Variants in ATRX observed in about 807,000 individuals in gnomAD.
ATRX encodes ATRX chromatin remodeler.
A neutral mutation model predicts 172.6 loss-of-function variants in ATRX; 12 were observed. That is an observed-to-expected ratio of 0.07 (90% CI 0.04 to 0.11). The LOEUF (loss-of-function observed/expected upper bound fraction) is 0.11, where lower values mean the gene tolerates loss of function less well. ATRX is among the 10% of genes least tolerant of loss of function. The probability of loss-of-function intolerance (pLI) is 1.00; values close to 1 mark genes in which losing one functional copy is unlikely to be tolerated. For synonymous variants in ATRX, 674 were observed against 594.7 expected, an observed-to-expected ratio of 1.13 and a Z score of -1.94; for missense variants, 1,368 against 1,767.4, an observed-to-expected ratio of 0.77 and a Z score of 4.05.
At chrX:77,737,752 T>A (rs2074667537) in intron 1 of ATRX, among the ~76,000 whole-genome samples, 1 of 110,759 alleles carries the variant, frequency 9.0e-6, no homozygotes, top group Non-Finnish European at 1.9e-5. Flanking sequence ...CACAATTTTA[T>A]TTTTTGTTTA....
chrX:77,625,910 G>A (rs1003483865), intron 19 of ATRX, among the ~76,000 whole-genome samples: 5 of 106,645 alleles, frequency 4.7e-5, no homozygotes, highest in African/African-American at 1.7e-4. Context: ...AGGAAAAGAA[G>A]TCATTATTCA....
In ATRX at chrX:77,508,025, TA is replaced by T. The variant is rs2062746479; in HGVS notation, c.*325del. On this transcript the variant is annotated 3_prime_UTR_variant, in exon 35 of 35. Coordinates refer to ENST00000373344, the MANE Select transcript of ATRX (RefSeq NM_000489.6). ...AAATTTATTAATTTTATGACAATTTTATGGTTGCTAAAAGCAGGCATAAAAA... is the reference window on the plus strand; with the variant it reads ...AAATTTATTAATTTTATGACAATTTTTGGTTGCTAAAAGCAGGCATAAAAA... 1 of 212,874 alleles carries T rather than the reference TA, an allele frequency of 4.7e-6. No individual in the cohort carries two copies. Among genetic ancestry groups the T allele is most frequent in the Non-Finnish European group, 8.5e-6 (1 of 117,327 alleles). 17.5% of individuals were successfully genotyped at this position (212,874 alleles called of 1,213,427 possible). A position where few individuals can be genotyped will look rare whatever the true frequency, so the allele number is the denominator to read the frequency against.
chrX:77,756,830 G>A (rs1242256797), intron 1 of ATRX, among the ~76,000 whole-genome samples: 1 of 109,762 alleles, frequency 9.1e-6, no homozygotes, highest in Admixed American at 9.8e-5. Flanking sequence ...CTGTCACTCA[G>A]GCTGGAGTGC....
chrX:77,549,237 T>C (rs1208899761), intron 30 of ATRX, among the ~76,000 whole-genome samples: 1 of 110,777 alleles, frequency 9.0e-6, no homozygotes, highest in Non-Finnish European at 1.9e-5. Flanking sequence ...ATACAAAAAT[T>C]AGCCAGGCGT....
At chrX:77,720,014 G>A (rs1180210022) in intron 1 of ATRX, among the ~76,000 whole-genome samples, 1 of 111,919 alleles carries the variant, frequency 8.9e-6, no homozygotes, top group Non-Finnish European at 1.9e-5. Context: ...TAGAACTCAG[G>A]ATTAAGAAAC....
At chrX:77,730,733 CA>C (rs782201556) in intron 1 of ATRX, among the ~76,000 whole-genome samples, 2 of 111,594 alleles carry the variant, frequency 1.8e-5, no homozygotes, top group Non-Finnish European at 3.8e-5. Flanking sequence ...CTTGAATGAT[CA>C]GTAAGTCAAT....
intron 30 of ATRX, among the ~76,000 whole-genome samples, chrX:77,540,630 C>T (rs149706762): frequency 0.023 from 2,618 of 111,792 alleles, 73 homozygotes; most frequent in African/African-American, 0.082. Context: ...CAGAACACAG[C>T]GCAATCAAAT....
intron 15 of ATRX, among the ~76,000 whole-genome samples, chrX:77,646,279 C>A (rs2068907980): frequency 1.8e-5 from 2 of 111,218 alleles, no homozygotes; most frequent in African/African-American, 6.5e-5. Flanking sequence ...AAAGACATTC[C>A]ATGCAAATAA....
intron 25 of ATRX, chrX:77,595,983 G>A (rs1426233299): frequency 9.0e-6 from 1 of 111,265 alleles, no homozygotes; most frequent in Non-Finnish European, 1.9e-5. Flanking sequence ...GTCATTTCGT[G>A]ATCATGAACT....
intron 30 of ATRX, among the ~76,000 whole-genome samples, chrX:77,542,284 G>A (rs2064033407): frequency 9.0e-6 from 1 of 111,536 alleles, no homozygotes; most frequent in African/African-American, 3.3e-5. Context: ...TCTTCAAGGA[G>A]AACTACAAAC....
At chrX:77,714,207 T>G (rs1557163355) in intron 2 of ATRX, among the ~76,000 whole-genome samples, 3 of 110,969 alleles carry the variant, frequency 2.7e-5, no homozygotes, top group African/African-American at 9.8e-5. Context: ...CCGATTATCA[T>G]AAAGAACTGA....
chrX:77,526,761 T>G (rs1602382158), intron 30 of ATRX, among the ~76,000 whole-genome samples: 1 of 112,366 alleles, frequency 8.9e-6, no homozygotes, highest in African/African-American at 3.2e-5. Flanking sequence ...TTTTACCATT[T>G]TCATCTTCAG....
chrX:77,578,527 G>C (rs1389901989), intron 27 of ATRX, among the ~76,000 whole-genome samples: 1 of 112,285 alleles, frequency 8.9e-6, no homozygotes, highest in Non-Finnish European at 1.9e-5. Context: ...CCAGGCCCTA[G>C]CTCCCTGGGC....
chrX:77,510,996 A>C (rs1004199095), intron 34 of ATRX, among the ~76,000 whole-genome samples: 1 of 112,756 alleles, frequency 8.9e-6, no homozygotes, highest in Non-Finnish European at 1.9e-5. Flanking sequence ...ACCCATTGCT[A>C]TGCAGGCTTC....
At chrX:77,656,272 A>T (rs2069546663) in intron 13 of ATRX, among the ~76,000 whole-genome samples, 1 of 111,785 alleles carries the variant, frequency 8.9e-6, no homozygotes, top group African/African-American at 3.2e-5. Context: ...CAGTTTTTCT[A>T]TAAAGCCTCT....
intron 30 of ATRX, among the ~76,000 whole-genome samples, chrX:77,527,850 A>G (rs2147786640): frequency 8.9e-6 from 1 of 111,765 alleles, no homozygotes; most frequent in East Asian, 2.8e-4. Context: ...GAAATAGCCA[A>G]TACAGCCTGC....
intron 26 of ATRX, among the ~76,000 whole-genome samples, chrX:77,592,651 A>G (rs1438011054): frequency 2.8e-5 from 3 of 107,516 alleles, no homozygotes; most frequent in Non-Finnish European, 5.8e-5. Flanking sequence ...CATCTCTACT[A>G]AAAATACAAA....
chrX:77,551,997 T>G (rs1213699822), intron 30 of ATRX, among the ~76,000 whole-genome samples: 1 of 111,216 alleles, frequency 9.0e-6, no homozygotes, highest in Non-Finnish European at 1.9e-5. Flanking sequence ...TGTGGAGAAA[T>G]AGGAACACTT....
chrX:77,760,000 T>C (rs2075657010), intron 1 of ATRX, among the ~76,000 whole-genome samples: 1 of 111,512 alleles, frequency 9.0e-6, no homozygotes, highest in African/African-American at 3.3e-5. Flanking sequence ...GAGAGTCATG[T>C]CAGTAATCAA....
Sources: gnomAD v4.1 joint callset for allele counts (sites outside exome capture counted in the v4.1 genomes callset) on GRCh38, gnomAD v4.1.1 for gene constraint, MANE v1.5 for transcripts, NCBI Gene and HGNC (gene_info 2026-07-23, HGNC 2026-07-21) for gene names.